NMU: variants seen among roughly 807,000 people sequenced by gnomAD.
The protein encoded by NMU is neuromedin U.
NMU carries 29 observed loss-of-function variants against 35.4 expected under a neutral mutation model. The ratio of observed to expected loss-of-function variants is 0.82; its 90% CI spans 0.61 to 1.12. The LOEUF (loss-of-function observed/expected upper bound fraction) is 1.12, where lower values mean the gene tolerates loss of function less well. Among genes scored for constraint, NMU ranks in the 50% most tolerant of loss-of-function variants. The pLI is 0.00. For synonymous variants in NMU, 78 were observed against 81.3 expected (o/e 0.96, Z 0.22); for missense variants, 199 against 206.2 (o/e 0.97, Z 0.21).
intron 3 of NMU, among the ~76,000 whole-genome samples, chr4:55,613,331 G>C (rs1224975210): frequency 6.6e-6 from 1 of 152,014 alleles, no homozygotes; most frequent in African/African-American, 2.4e-5. Context: ...AGGTTCTGTA[G>C]GCTCTATCAA....
At chr4:55,616,314 C>G (rs757188122) in intron 3 of NMU, 24 bp downstream of exon 3, 2 of 1,584,396 alleles carry the variant, frequency 1.3e-6, no homozygotes, top group Admixed American at 3.3e-5. Flanking sequence ...TACATTATTA[C>G]AAAATATCTT....
chr4:55,610,609 CCCTT>C (rs1350561866), intron 3 of NMU, among the ~76,000 whole-genome samples: 1 of 152,210 alleles, frequency 6.6e-6, no homozygotes, highest in African/African-American at 2.4e-5. Flanking sequence ...TTTCTGTGCA[CCCTT>C]CCTAGCATCA....
chr4:55,609,326 C>A, intron 3 of NMU, 147 bp from the exon 4 acceptor site: 1 of 673,054 alleles, frequency 1.5e-6, no homozygotes, highest in Non-Finnish European at 2.6e-6. Context: ...TGTTGGAATC[C>A]TTTGATTTCT....
intron 7 of NMU, among the ~76,000 whole-genome samples, chr4:55,602,518 G>A (rs1733467581): frequency 6.6e-6 from 1 of 152,164 alleles, no homozygotes; most frequent in African/African-American, 2.4e-5. Flanking sequence ...ACAATACTGA[G>A]TGATTAGCTT....
chr4:55,630,308 T>A, intron 2 of NMU, 94 bp downstream of exon 2: 2 of 944,924 alleles, frequency 2.1e-6, no homozygotes, highest in Non-Finnish European at 3.4e-6. Context: ...GTTGGTAAAA[T>A]CATAGTTCTC....
chr4:55,627,158 T>C (rs1172718290), intron 2 of NMU, among the ~76,000 whole-genome samples: 1 of 152,170 alleles, frequency 6.6e-6, no homozygotes, highest in African/African-American at 2.4e-5. Context: ...GCCAAAGGGA[T>C]ATGACAGGTA....
chr4:55,597,199 T>G (rs1430628980), intron 9 of NMU, among the ~76,000 whole-genome samples: 3 of 152,030 alleles, frequency 2.0e-5, no homozygotes, highest in Non-Finnish European at 4.4e-5. Flanking sequence ...TTATACTTTT[T>G]AAAAGTTTTT....
At chr4:55,610,456 CT>C (rs1733886658) in intron 3 of NMU, among the ~76,000 whole-genome samples, 1 of 145,908 alleles carries the variant, frequency 6.9e-6, no homozygotes, top group Admixed American at 6.9e-5. Context: ...GAGTGAGACT[CT>C]GTCTCAGAAA....
chr4:55,604,679 A>ATATTTTTTT (rs1553909885), intron 7 of NMU, among the ~76,000 whole-genome samples: 58 of 47,616 alleles, frequency 1.2e-3, no homozygotes, highest in African/African-American at 6.5e-3. Flanking sequence ...TGCCTGGCTA[A>ATATTTTTTT]TTTTTTTTTT....
intron 3 of NMU, among the ~76,000 whole-genome samples, chr4:55,614,670 G>A (rs112308813): frequency 3.7e-4 from 56 of 152,222 alleles, no homozygotes; most frequent in African/African-American, 1.3e-3. Context: ...AGCTCCTCTT[G>A]AAAGAGGCAC....
At chr4:55,609,384 GA>G (rs5858340) in intron 3 of NMU, among the ~76,000 whole-genome samples, 2,333 of 143,564 alleles carry the variant, frequency 0.016, 56 homozygotes, top group African/African-American at 0.054. Context: ...CTTCTAACCA[GA>G]AAAAAAAAAA....
intron 4 of NMU, among the ~76,000 whole-genome samples, 159 bp downstream of exon 4, chr4:55,608,961 A>G (rs1280024351): frequency 6.6e-6 from 1 of 152,188 alleles, no homozygotes; most frequent in Non-Finnish European, 1.5e-5. Flanking sequence ...CAATTCTCAG[A>G]CATCAGAGAA....
intron 1 of NMU, among the ~76,000 whole-genome samples, chr4:55,631,542 A>G: frequency 6.6e-6 from 1 of 152,196 alleles, no homozygotes. Flanking sequence ...AGATACACAA[A>G]CAGCCAACAA....
At chr4:55,610,444 T>C (rs1410743964) in intron 3 of NMU, among the ~76,000 whole-genome samples, 1 of 147,832 alleles carries the variant, frequency 6.8e-6, no homozygotes, top group African/African-American at 2.5e-5. Context: ...GCCTGGGTGA[T>C]GGAGTGAGAC....
intron 3 of NMU, among the ~76,000 whole-genome samples, chr4:55,613,639 G>T (rs1228033076): frequency 6.6e-6 from 1 of 152,024 alleles, no homozygotes; most frequent in East Asian, 1.9e-4. Flanking sequence ...TATGCAGTCA[G>T]TCCCCTAACG....
intron 9 of NMU, among the ~76,000 whole-genome samples, chr4:55,597,398 T>C (rs1397997318): frequency 6.6e-6 from 1 of 151,962 alleles, no homozygotes; most frequent in Non-Finnish European, 1.5e-5. Context: ...CCTTTTTTTT[T>C]GCTCTTGTTG....
chr4:55,604,031 C>G lies in NMU; in HGVS notation c.435+1244G>C, dbSNP rs1364779104. On this transcript the variant is annotated intron_variant, in intron 7 of 9. Coordinates refer to ENST00000264218, the MANE Select transcript of NMU (RefSeq NM_006681.4). ...TGTATATATGTGTATATATATAATCCTAGAAATTATCAGTGTTACAAGGGT... is the reference window on the plus strand; with the variant it reads ...TGTATATATGTGTATATATATAATCGTAGAAATTATCAGTGTTACAAGGGT... 8.0e-3 allele frequency among the ~76,000 whole-genome samples: 9 copies of G among 1,130 alleles called. 1 individual carries two copies. The highest frequency in any genetic ancestry group is 0.012 in the African/African-American group (8 of 644). The allele number at this position is 1,130 out of a possible 152,430, so 0.7% of individuals were successfully genotyped here. A position where few individuals can be genotyped will look rare whatever the true frequency, so the allele number is the denominator to read the frequency against.
At chr4:55,618,972 T>C (rs867458488) in intron 2 of NMU, among the ~76,000 whole-genome samples, 13 of 151,350 alleles carry the variant, frequency 8.6e-5, no homozygotes, top group African/African-American at 3.2e-4. Flanking sequence ...TGGGCTCAAG[T>C]GATCCTCCAA....
At chr4:55,609,510 T>C (rs565513217) in intron 3 of NMU, among the ~76,000 whole-genome samples, 1 of 152,218 alleles carries the variant, frequency 6.6e-6, no homozygotes, top group Non-Finnish European at 1.5e-5. Context: ...CAAGGGACAG[T>C]GCCAGAAGAG....
Sources: allele counts gnomAD v4.1 joint callset (sites outside exome capture counted in the v4.1 genomes callset), GRCh38; gene constraint gnomAD v4.1.1; transcripts MANE v1.5; gene names NCBI Gene and HGNC (gene_info 2026-07-23, HGNC 2026-07-21).